The following MYL2 variants were observed in gnomAD, a reference collection of about 807,000 sequenced individuals.
The protein encoded by MYL2 is myosin light chain 2.
A neutral mutation model predicts 23.0 loss-of-function variants in MYL2; 19 were observed. The observed-to-expected ratio is 0.83, with a 90% CI of 0.58 to 1.21. MYL2 has a LOEUF of 1.21. MYL2 is among the 50% of genes most tolerant of loss of function. The pLI is 0.00. For missense variants in MYL2, 180 were observed against 215.1 expected, an observed-to-expected ratio of 0.84 and a Z score of 1.02; for synonymous variants, 78 against 76.2, an observed-to-expected ratio of 1.02 and a Z score of -0.13.
upstream of MYL2, among the ~76,000 whole-genome samples, chr12:110,921,045 C>T (rs917957106): frequency 1.3e-5 from 2 of 152,218 alleles, no homozygotes; most frequent in Non-Finnish European, 2.9e-5. Flanking sequence ...TGAGTGAAGC[C>T]TCCCCGACCA....
chr12:110,918,084 C>T lies in MYL2; in HGVS notation c.93+1020G>A, dbSNP rs1008187298. On this transcript the variant is annotated intron_variant, in intron 2 of 6. Transcript: ENST00000228841. This position sits in a 1 kb window ranked among gnomAD's most constrained non-coding sequence, Gnocchi z 4.4. ...GGTGACAGAGCGAGACTCTGTCACA[C>T]GCACAAAAAAAGAAAGCAGTCTGGT... is the stretch of plus-strand genomic sequence containing the variant. Among the ~76,000 whole-genome samples the T allele has an allele frequency of 6.6e-5, 10 of 151,826 alleles. No individual in the cohort carries two copies. Among genetic ancestry groups the T allele is most frequent in the South Asian group, 2.1e-4 (1 of 4,804 alleles).
At chr12:110,919,687 C>T (rs925859860) in intron 1 of MYL2, among the ~76,000 whole-genome samples, 1 of 152,170 alleles carries the variant, frequency 6.6e-6, no homozygotes, top group Non-Finnish European at 1.5e-5. Context: ...ACAATTTTCC[C>T]TTGCTCCAAA....
At chr12:110,911,689 G>A (rs1049004680) in intron 6 of MYL2, among the ~76,000 whole-genome samples, 26 of 152,152 alleles carry the variant, frequency 1.7e-4, no homozygotes, top group Admixed American at 1.6e-3. Flanking sequence ...GGGTTCCGAG[G>A]GGCCAGGCAG....
chr12:110,920,639 G>T, upstream of MYL2: 1 of 1,558,720 alleles, frequency 6.4e-7, no homozygotes, highest in South Asian at 1.1e-5. Flanking sequence ...ATAACCCCAT[G>T]ACCGCTTTTG....
At chr12:110,919,833 A>G (rs2071709042) in intron 1 of MYL2, among the ~76,000 whole-genome samples, 1 of 152,136 alleles carries the variant, frequency 6.6e-6, no homozygotes, top group Admixed American at 6.5e-5. Flanking sequence ...TACTCTACAT[A>G]TGTATTATTT....
Position 110,913,311 on chromosome 12 carries a change from C to T in MYL2, c.288G>A (p.Glu96=). ...FGEKLKGADP[E]ETILNAFKVF... The stretch of plus-strand genomic sequence containing the variant: ...CTTTGAATGCGTTGAGAATGGTTTC[C>T]TCAGGGTCCGCTCCTGAAACGGAAC... Residue 96 remains glutamate, a synonymous_variant, in exon 5 of 7, where the codon GAG becomes GAA. Transcript: ENST00000228841. 1 of 1,614,196 alleles carries T rather than the reference C, an allele frequency of 6.2e-7. No homozygotes were observed. Among genetic ancestry groups the T allele is most frequent in the Non-Finnish European group, 8.5e-7 (1 of 1,180,040 alleles).
intron 6 of MYL2, 145 bp downstream of exon 6, chr12:110,912,951 T>C (rs1040723890): frequency 6.3e-6 from 6 of 945,068 alleles, no homozygotes; most frequent in Non-Finnish European, 1.0e-5. Context: ...TGGCAGAGAA[T>C]GAAATGAGGC....
Position 110,910,912 on chromosome 12 carries a change from G to C in MYL2, c.*165C>G. ...TTCCAACTGTAGGATGTGCGGCCAC[G>C]AAGTACCCATAGCCACCCAGGCTGC... On this transcript the variant is annotated 3_prime_UTR_variant, in exon 7 of 7. Coordinates refer to ENST00000228841, the MANE Select transcript of MYL2 (RefSeq NM_000432.4). 1.5e-6 allele frequency: 1 copy of C among 687,862 alleles called. No individual in the cohort carries two copies. The highest frequency in any genetic ancestry group is 1.6e-5 in the South Asian group (1 of 63,340). 42.6% of individuals were successfully genotyped at this position (687,862 alleles called of 1,614,324 possible).
intron 4 of MYL2, among the ~76,000 whole-genome samples, chr12:110,913,967 G>A (rs988273365): frequency 1.1e-4 from 17 of 152,116 alleles, no homozygotes; most frequent in African/African-American, 2.2e-4. Flanking sequence ...ATGTTGGCCA[G>A]GTTGGTCTTG....
Position 110,914,436 on chromosome 12 carries a change from GAGA to G in MYL2, c.170-149_170-147del, listed in dbSNP as rs2071676059. The G allele has an allele frequency of 2.0e-5, 14 of 699,622 alleles. No individual in the cohort carries two copies. In the Middle Eastern group the frequency reaches 1.2e-3, roughly 61 times the overall value. The allele number at this position is 699,622 out of a possible 1,614,324, so 43.3% of individuals were successfully genotyped here. A position where few individuals can be genotyped will look rare whatever the true frequency, so the allele number is the denominator to read the frequency against. ...GTGGATGGAGGCAAAGATCTTTTCT[GAGA>G]AGATGTTCTTGACAGTGTTATTTAT... On this transcript the variant is annotated intron_variant, in intron 3 of 6. Coordinates refer to ENST00000228841, the MANE Select transcript of MYL2 (RefSeq NM_000432.4).
In MYL2 at chr12:110,918,918, AAT is replaced by A. The variant is rs1382961269; in HGVS notation, c.93+184_93+185del. The A allele has an allele frequency of 1.7e-6, 1 of 590,114 alleles. No individual in the cohort carries two copies. Among genetic ancestry groups the A allele is most frequent in the African/African-American group, 2.7e-5 (1 of 36,882 alleles). 36.6% of individuals were successfully genotyped at this position (590,114 alleles called of 1,614,324 possible). A position where few individuals can be genotyped will look rare whatever the true frequency, so the allele number is the denominator to read the frequency against. ...AACATGGAATATGTTTTACTTTGAT[AAT>A]CAGTGAAAATATTAAAAATAGTTTC... is the stretch of plus-strand genomic sequence containing the variant. On this transcript the variant is annotated intron_variant, in intron 2 of 6. Coordinates refer to ENST00000228841, the MANE Select transcript of MYL2 (RefSeq NM_000432.4). This position sits in a 1 kb window ranked among gnomAD's most constrained non-coding sequence, Gnocchi z 4.4.
chr12:110,920,166 A>G (rs2071711726), intron 1 of MYL2, among the ~76,000 whole-genome samples: 1 of 152,208 alleles, frequency 6.6e-6, no homozygotes, highest in Non-Finnish European at 1.5e-5. Context: ...GAAAACAAAA[A>G]CATTCTTTTT....
At chr12:110,916,935 G>A (rs552517675) in intron 2 of MYL2, among the ~76,000 whole-genome samples, 2 of 152,032 alleles carry the variant, frequency 1.3e-5, no homozygotes, top group Non-Finnish European at 2.9e-5. Context: ...TGTAACCTCC[G>A]CCTCCCGGGT....
intron 2 of MYL2, 137 bp from the exon 3 acceptor site, chr12:110,915,927 A>T (rs1185025743): frequency 1.5e-5 from 12 of 780,172 alleles, no homozygotes; most frequent in Middle Eastern, 3.4e-4. Context: ...AAAAGTCAAC[A>T]ATTGAAGATA....
intron 3 of MYL2, 75 bp from the exon 4 acceptor site, chr12:110,914,365 G>T: frequency 1.0e-6 from 1 of 1,004,964 alleles, no homozygotes; most frequent in Non-Finnish European, 1.6e-6. Context: ...ATTGGCTCCT[G>T]GGATTCCACT....
At chr12:110,916,896 C>T (rs12311834) in intron 2 of MYL2, among the ~76,000 whole-genome samples, 18,476 of 151,918 alleles carry the variant, frequency 0.12, 1,375 homozygotes, top group East Asian at 0.21. Flanking sequence ...TCACCCAGGC[C>T]GCAGTGCAGT....
upstream of MYL2, among the ~76,000 whole-genome samples, chr12:110,921,234 G>C (rs937053057): frequency 5.9e-5 from 9 of 152,178 alleles, no homozygotes; most frequent in African/African-American, 2.2e-4. Flanking sequence ...GGTGGTGCAT[G>C]CCTATAGTCT....
chr12:110,913,445 G>A (rs2071668111), intron 4 of MYL2, 121 bp from the exon 5 acceptor site: 1 of 985,068 alleles, frequency 1.0e-6, no homozygotes, highest in Non-Finnish European at 1.6e-6. Flanking sequence ...TTTGCATGGA[G>A]GAAAAAGACC....
chr12:110,915,671 T>G, intron 3 of MYL2, 44 bp downstream of exon 3: 4,243 of 1,543,914 alleles, frequency 2.7e-3, no homozygotes, highest in Non-Finnish European at 3.5e-3. Flanking sequence ...CTCATGGATG[T>G]GAGATAAAGA....
Sources: gnomAD v4.1 joint callset for allele counts (sites outside exome capture counted in the v4.1 genomes callset) on GRCh38, gnomAD v4.1.1 for gene constraint, Gnocchi (gnomAD v3.1) non-coding constraint, MANE v1.5 for transcripts, NCBI Gene and HGNC (gene_info 2026-07-23, HGNC 2026-07-21) for gene names.